The following PDZRN3 variants were observed in gnomAD, a reference collection of about 807,000 sequenced individuals.
PDZRN3 encodes the protein E3 ubiquitin-protein ligase PDZRN3.
PDZRN3 carries 38 observed loss-of-function variants against 85.7 expected under a neutral mutation model. The ratio of observed to expected loss-of-function variants is 0.44; its 90% confidence interval spans 0.34 to 0.58. The LOEUF (loss-of-function observed/expected upper bound fraction) is 0.58, where lower values mean the gene tolerates loss of function less well. Ranked by LOEUF, PDZRN3 falls within the 20% of genes least tolerant of loss-of-function variation. The pLI, the probability that PDZRN3 is intolerant of heterozygous loss-of-function variation, is 0.01. For missense variants in PDZRN3, 1,629 were observed against 1,506.4 expected (o/e 1.08, Z -1.35); for synonymous variants, 759 against 638.0 (o/e 1.19, Z -2.86).
chr3:73,573,154 G>A (rs181003245), intron 3 of PDZRN3, among the ~76,000 whole-genome samples: 77 of 152,258 alleles, frequency 5.1e-4, no homozygotes, highest in South Asian at 1.7e-3. Context: ...GACCCTCTCT[G>A]GCAAGACAAG....
intron 3 of PDZRN3, among the ~76,000 whole-genome samples, chr3:73,551,393 C>T (rs1701550563): frequency 2.6e-5 from 4 of 152,118 alleles, no homozygotes; most frequent in Admixed American, 2.6e-4. Flanking sequence ...TCATTTGAAA[C>T]TTACGGAGGC....
At chr3:73,623,374 T>C (rs1335280530) in intron 1 of PDZRN3, among the ~76,000 whole-genome samples, 2 of 152,356 alleles carry the variant, frequency 1.3e-5, no homozygotes, top group South Asian at 2.1e-4. Context: ...TTTATACTTG[T>C]TGGGGGCAGA....
chr3:73,442,651 A>T (rs1009009573), intron 3 of PDZRN3, among the ~76,000 whole-genome samples: 1 of 151,864 alleles, frequency 6.6e-6, no homozygotes, highest in African/African-American at 2.4e-5. Context: ...ATTTTAACTT[A>T]GGCACTAATT....
intron 3 of PDZRN3, among the ~76,000 whole-genome samples, chr3:73,518,029 G>A (rs1165745159): frequency 6.6e-6 from 1 of 152,234 alleles, no homozygotes; most frequent in Non-Finnish European, 1.5e-5. Flanking sequence ...AGAATGGAAA[G>A]CAGGGTCTTG....
intron 3 of PDZRN3, among the ~76,000 whole-genome samples, chr3:73,533,546 T>A (rs897279875): frequency 3.9e-5 from 6 of 152,026 alleles, no homozygotes. Flanking sequence ...TTTAAAAAAT[T>A]GTTTTTTTTT....
At chr3:73,459,294 G>T (rs570051930) in intron 3 of PDZRN3, among the ~76,000 whole-genome samples, 1 of 152,228 alleles carries the variant, frequency 6.6e-6, no homozygotes, top group South Asian at 2.1e-4. Flanking sequence ...GATGAGATTT[G>T]GGTGGGGACA....
At chr3:73,619,057 T>G (rs778974670) in intron 1 of PDZRN3, among the ~76,000 whole-genome samples, 20 of 152,226 alleles carry the variant, frequency 1.3e-4, no homozygotes, top group Non-Finnish European at 2.4e-4. Context: ...CAAAATAGTT[T>G]CTAGGATTTG....
In PDZRN3 at chr3:73,624,721, G is replaced by A. The variant is rs772149825; in HGVS notation, c.105C>T (p.His35=). The A allele has an allele frequency of 1.6e-5, 24 of 1,529,390 alleles. No individual in the cohort carries two copies. The highest frequency in any genetic ancestry group is 8.7e-7 in the Non-Finnish European group (1 of 1,146,378). The allele number at this position is 1,529,390 out of a possible 1,614,324, so 94.7% of individuals were successfully genotyped here. A position where few individuals can be genotyped will look rare whatever the true frequency, so the allele number is the denominator to read the frequency against. ...GCAGCACGCAGCCGGCGCAGAAGAC[G>A]TGGCCGCACGGCGTGGTCAGCGGGT... ...LEDPLTTPCG[H]VFCAGCVLPW... is the part of the protein sequence containing the mutation. The change falls in exon 1 of 10, where the codon CAC becomes CAT. Residue 35 remains histidine, a synonymous_variant. Transcript: ENST00000263666.
intron 3 of PDZRN3, among the ~76,000 whole-genome samples, chr3:73,566,191 A>C (rs1343809260): frequency 4.6e-5 from 7 of 152,258 alleles, no homozygotes; most frequent in South Asian, 2.1e-4. Flanking sequence ...CTTTGCAATT[A>C]GACTTACTTG....
At position 73,624,884 on chromosome 3, in the gene PDZRN3, G is replaced by A; in HGVS notation, c.-59C>T. 1.6e-6 allele frequency: 2 copies of A among 1,249,162 alleles called. No individual in the cohort carries two copies. The highest frequency in any genetic ancestry group is 2.0e-6 in the Non-Finnish European group (2 of 994,310). 77.4% of individuals were successfully genotyped at this position (1,249,162 alleles called of 1,614,324 possible). A position where few individuals can be genotyped will look rare whatever the true frequency, so the allele number is the denominator to read the frequency against. The stretch of plus-strand genomic sequence containing the variant: ...GGCCGGGCGCCCCCTCCCTCCCCAC[G>A]AGGCGGCCCAGACAGGCCGGCTACG... On this transcript the variant is annotated 5_prime_UTR_variant, in exon 1 of 10. Transcript: ENST00000263666.
chr3:73,428,201 T>C (rs965881232), intron 3 of PDZRN3, among the ~76,000 whole-genome samples: 5 of 152,092 alleles, frequency 3.3e-5, no homozygotes, highest in Non-Finnish European at 5.9e-5. Flanking sequence ...CCAAGGGCAC[T>C]GGGGAGCCAG....
At chr3:73,395,903 G>A (rs1465943847) in intron 5 of PDZRN3, among the ~76,000 whole-genome samples, 2 of 152,198 alleles carry the variant, frequency 1.3e-5, no homozygotes, top group African/African-American at 4.8e-5. Flanking sequence ...TAGGGAGCTT[G>A]TATTCTAGTG....
chr3:73,598,469 G>A (rs183378179), intron 3 of PDZRN3, among the ~76,000 whole-genome samples: 55 of 152,318 alleles, frequency 3.6e-4, no homozygotes, highest in Non-Finnish European at 6.3e-4. Context: ...GGTAAGAGGA[G>A]TGCAGGGAAG....
At chr3:73,517,890 T>A (rs936787540) in intron 3 of PDZRN3, among the ~76,000 whole-genome samples, 1 of 152,242 alleles carries the variant, frequency 6.6e-6, no homozygotes, top group South Asian at 2.1e-4. Flanking sequence ...CAATTATAAC[T>A]GTTATGTCTT....
chr3:73,430,047 C>T lies in PDZRN3; in HGVS notation c.919-25652G>A, dbSNP rs367646955. Among the ~76,000 whole-genome samples the T allele has an allele frequency of 5.3e-4, 80 of 152,302 alleles. 1 individual carries two copies. The South Asian group carries it at 0.016, about 30-fold the overall frequency. On this transcript the variant is annotated intron_variant, in intron 3 of 9. Transcript: ENST00000263666. ...AAGTTGATCATCATTCATTCATTGA[C>T]AATGCTGGAAAATGATTTATACAAG...
intron 3 of PDZRN3, among the ~76,000 whole-genome samples, chr3:73,407,061 G>T (rs747593429): frequency 2.1e-4 from 32 of 152,244 alleles, no homozygotes; most frequent in Admixed American, 5.9e-4. Flanking sequence ...ATTGTGATGG[G>T]CTCCCGCCTA....
At chr3:73,482,140 C>T (rs1309274122) in intron 3 of PDZRN3, among the ~76,000 whole-genome samples, 1 of 152,172 alleles carries the variant, frequency 6.6e-6, no homozygotes, top group Non-Finnish European at 1.5e-5. Context: ...ATGTCTGACG[C>T]AGGTATGAGA....
chr3:73,490,539 G>C (rs1409068248), intron 3 of PDZRN3, among the ~76,000 whole-genome samples: 1 of 152,172 alleles, frequency 6.6e-6, no homozygotes. Context: ...CCCCACAGCT[G>C]TATTTGTACC....
intron 3 of PDZRN3, among the ~76,000 whole-genome samples, chr3:73,551,595 G>T (rs929385219): frequency 2.0e-5 from 3 of 151,684 alleles, no homozygotes; most frequent in African/African-American, 7.3e-5. Context: ...AGGCTAATGG[G>T]GGAGAATCAT....
Sources: gnomAD v4.1 joint callset for allele counts (sites outside exome capture counted in the v4.1 genomes callset) on GRCh38, gnomAD v4.1.1 for gene constraint, MANE v1.5 for transcripts, NCBI Gene and HGNC (gene_info 2026-07-23, HGNC 2026-07-21) for gene names.